The following ARHGAP26 variants were observed in gnomAD, a reference collection of about 807,000 sequenced individuals.
ARHGAP26 encodes Rho GTPase activating protein 26.
ARHGAP26 carries 38 observed loss-of-function variants against 104.8 expected under a neutral mutation model. The ratio of observed to expected loss-of-function variants is 0.36; its 90% CI spans 0.28 to 0.48. ARHGAP26 has a LOEUF of 0.48. ARHGAP26 is among the 20% of genes least tolerant of loss of function. The probability of loss-of-function intolerance (pLI) is 0.99; values close to 1 mark genes in which losing one functional copy is unlikely to be tolerated. For synonymous variants in ARHGAP26, 341 were observed against 340.0 expected, an observed-to-expected ratio of 1.00 and a Z score of -0.03; for missense variants, 704 against 947.9, an observed-to-expected ratio of 0.74 and a Z score of 3.38.
intron 17 of ARHGAP26, among the ~76,000 whole-genome samples, chr5:143,075,935 A>G (rs1413537285): frequency 6.6e-6 from 1 of 151,812 alleles, no homozygotes; most frequent in Non-Finnish European, 1.5e-5. Context: ...CTGGGCTCAA[A>G]CAGTCCACCC....
At chr5:142,901,551 C>G (rs1309996351) in intron 6 of ARHGAP26, among the ~76,000 whole-genome samples, 2 of 152,170 alleles carry the variant, frequency 1.3e-5, no homozygotes, top group East Asian at 1.9e-4. Context: ...GAACCCTGGT[C>G]TTTGGTTTCT....
chr5:142,888,259 C>G (rs1330483279), intron 5 of ARHGAP26, among the ~76,000 whole-genome samples: 1 of 152,212 alleles, frequency 6.6e-6, no homozygotes, highest in Non-Finnish European at 1.5e-5. Flanking sequence ...GCAGCCCTTT[C>G]CCTTCACCCA....
Position 142,900,900 on chromosome 5 carries a change from C to T in ARHGAP26, c.598-1035C>T, listed in dbSNP as rs150316837. On this transcript the variant is annotated intron_variant, in intron 6 of 22. Coordinates refer to ENST00000645722, the MANE Select transcript of ARHGAP26 (RefSeq NM_001135608.3). ...AAAATGTGGGTCAGCCTTCAGAAGC[C>T]GAAGTTAATGGGATAGTCCCCAAAT... 6.3e-3 allele frequency among the ~76,000 whole-genome samples: 960 copies of T among 152,124 alleles called. 9 individuals are homozygous for T. The highest frequency in any genetic ancestry group is 0.017 in the Middle Eastern group (5 of 294).
intron 1 of ARHGAP26, among the ~76,000 whole-genome samples, chr5:142,802,947 G>T (rs1211454279): frequency 1.3e-5 from 2 of 152,292 alleles, no homozygotes; most frequent in East Asian, 3.9e-4. Flanking sequence ...GATTCAGTAA[G>T]CCTCTAGTCC....
At chr5:142,902,176 T>A in intron 7 of ARHGAP26, 137 bp downstream of exon 7, 3 of 656,224 alleles carry the variant, frequency 4.6e-6, no homozygotes, top group Non-Finnish European at 7.9e-6. Flanking sequence ...AGAGGGAAAC[T>A]AGGGGCAGGC....
intron 14 of ARHGAP26, among the ~76,000 whole-genome samples, chr5:143,042,659 G>T (rs575372859): frequency 1.3e-5 from 2 of 152,354 alleles, no homozygotes; most frequent in African/African-American, 4.8e-5. Context: ...TGTAGAGAGG[G>T]ACTATCACTT....
intron 11 of ARHGAP26, among the ~76,000 whole-genome samples, chr5:142,971,432 T>C (rs1050826802): frequency 6.6e-6 from 1 of 152,306 alleles, no homozygotes; most frequent in Middle Eastern, 3.4e-3. Flanking sequence ...GATGTGTTCT[T>C]GTCTCACTGA....
chr5:143,029,338 C>T (rs934317193), intron 12 of ARHGAP26, among the ~76,000 whole-genome samples: 1 of 150,064 alleles, frequency 6.7e-6, no homozygotes, highest in African/African-American at 2.4e-5. Context: ...CACAGCAACT[C>T]GACAATTTCC....
chr5:143,188,607 A>G (rs989467538), intron 20 of ARHGAP26, among the ~76,000 whole-genome samples: 1 of 152,182 alleles, frequency 6.6e-6, no homozygotes, highest in Non-Finnish European at 1.5e-5. Context: ...TGACAGAGAC[A>G]TGCTGTGGGG....
At chr5:142,853,197 T>G (rs1236545518) in intron 1 of ARHGAP26, among the ~76,000 whole-genome samples, 1 of 152,098 alleles carries the variant, frequency 6.6e-6, no homozygotes, top group Admixed American at 6.5e-5. Flanking sequence ...TTTATTATTA[T>G]TTTTTGAGAC....
At chr5:142,890,468 AGATT>A (rs1309960954) in intron 5 of ARHGAP26, among the ~76,000 whole-genome samples, 4 of 151,438 alleles carry the variant, frequency 2.6e-5, no homozygotes, top group Non-Finnish European at 5.9e-5. Context: ...AGGGTTGGGC[AGATT>A]ATTACACAGG....
At chr5:142,832,689 G>A (rs899028207) in intron 1 of ARHGAP26, among the ~76,000 whole-genome samples, 1 of 152,086 alleles carries the variant, frequency 6.6e-6, no homozygotes, top group African/African-American at 2.4e-5. Flanking sequence ...TGCAGCTTTT[G>A]GTCAAAATGT....
rs937858106 is a variant in ARHGAP26, at chr5:143,228,324, T to C, written c.*5878T>C. 1.8e-5 allele frequency: 4 copies of C among 224,498 alleles called. No individual in the cohort carries two copies. The highest frequency in any genetic ancestry group is 8.9e-5 in the African/African-American group (4 of 44,864). The allele number at this position is 224,498 out of a possible 1,614,324, so 13.9% of individuals were successfully genotyped here. A position where few individuals can be genotyped will look rare whatever the true frequency, so the allele number is the denominator to read the frequency against. ...CAGAGACCCACATGAGCTGGCACTT[T>C]CTGAGCCTTTACAGCCTTTAAGACT... is the stretch of plus-strand genomic sequence containing the variant. On this transcript the variant is annotated 3_prime_UTR_variant, in exon 23 of 23. Transcript: ENST00000645722.
intron 21 of ARHGAP26, among the ~76,000 whole-genome samples, chr5:143,211,200 T>C (rs910150506): frequency 2.0e-5 from 3 of 152,008 alleles, no homozygotes; most frequent in Non-Finnish European, 4.4e-5. Flanking sequence ...ATTTAGCAAA[T>C]AAAATAAAAA....
chr5:143,166,090 G>T (rs1801902456), intron 20 of ARHGAP26: 1 of 1,314,024 alleles, frequency 7.6e-7, no homozygotes, highest in Admixed American at 2.4e-5. Flanking sequence ...CTTCGTGATG[G>T]GCACAAGGTG....
intron 11 of ARHGAP26, among the ~76,000 whole-genome samples, chr5:142,965,323 A>C (rs1771132656): frequency 6.6e-6 from 1 of 152,182 alleles, no homozygotes. Context: ...AGTCTTCTCT[A>C]AACTCCCCCA....
intron 9 of ARHGAP26, among the ~76,000 whole-genome samples, chr5:142,911,572 CTTT>C (rs1268866676): frequency 1.3e-5 from 2 of 152,198 alleles, no homozygotes; most frequent in Non-Finnish European, 2.9e-5. Flanking sequence ...ACGTCCCCCA[CTTT>C]TTAAAGCAAT....
chr5:143,021,539 A>G (rs1364752716), intron 12 of ARHGAP26, among the ~76,000 whole-genome samples: 1 of 152,200 alleles, frequency 6.6e-6, no homozygotes, highest in Non-Finnish European at 1.5e-5. Context: ...CACGTGGATT[A>G]GAGAGAGGGT....
chr5:142,838,451 G>T (rs1389563563), intron 1 of ARHGAP26, among the ~76,000 whole-genome samples: 1 of 152,202 alleles, frequency 6.6e-6, no homozygotes, highest in Non-Finnish European at 1.5e-5. Context: ...AAGGCATAAT[G>T]ATATACTAAT....
Sources: gnomAD v4.1 joint callset for allele counts (sites outside exome capture counted in the v4.1 genomes callset) on GRCh38, gnomAD v4.1.1 for gene constraint, MANE v1.5 for transcripts, NCBI Gene and HGNC (gene_info 2026-07-23, HGNC 2026-07-21) for gene names.